KAT6B: variants seen among roughly 807,000 people sequenced by gnomAD.
KAT6B encodes histone acetyltransferase KAT6B.
KAT6B carries 10 observed loss-of-function variants against 187.5 expected under a neutral mutation model. The observed-to-expected ratio is 0.05, with a 90% CI of 0.03 to 0.09. The LOEUF is 0.09. KAT6B is among the 10% of genes least tolerant of loss of function. The pLI, the probability that KAT6B is intolerant of heterozygous loss-of-function variation, is 1.00. For missense variants in KAT6B, 1,952 were observed against 2,558.9 expected (o/e 0.76, Z 5.12); for synonymous variants, 861 against 926.8 (o/e 0.93, Z 1.29).
At chr10:74,941,913 G>A (rs1004636060) in intron 3 of KAT6B, among the ~76,000 whole-genome samples, 4 of 152,024 alleles carry the variant, frequency 2.6e-5, no homozygotes, top group Admixed American at 6.6e-5. Flanking sequence ...AGGCCGAGGC[G>A]GGCAGATCAC....
At chr10:74,877,332 G>A (rs915736159) in intron 3 of KAT6B, among the ~76,000 whole-genome samples, 1 of 152,138 alleles carries the variant, frequency 6.6e-6, no homozygotes, top group African/African-American at 2.4e-5. Flanking sequence ...TTGTTAAAAT[G>A]TATCAAAATA....
At chr10:74,952,597 A>G (rs1446882710) in intron 3 of KAT6B, among the ~76,000 whole-genome samples, 1 of 152,186 alleles carries the variant, frequency 6.6e-6, no homozygotes, top group African/African-American at 2.4e-5. Context: ...GGGACTTGGG[A>G]AAAGCATTGT....
At chr10:74,829,065 A>G (rs893865005) in intron 1 of KAT6B, among the ~76,000 whole-genome samples, 6 of 152,090 alleles carry the variant, frequency 3.9e-5, no homozygotes, top group African/African-American at 9.7e-5. Flanking sequence ...TAACATTAAA[A>G]GAGGAATTTA....
At chr10:74,934,930 T>A (rs1177169372) in intron 3 of KAT6B, among the ~76,000 whole-genome samples, 1 of 152,198 alleles carries the variant, frequency 6.6e-6, no homozygotes, top group African/African-American at 2.4e-5. Flanking sequence ...TTATATCTAC[T>A]GACAGAATCC....
chr10:74,951,973 G>T (rs926995113), intron 3 of KAT6B, among the ~76,000 whole-genome samples: 1 of 152,166 alleles, frequency 6.6e-6, no homozygotes, highest in Non-Finnish European at 1.5e-5. Flanking sequence ...CTGCCATCAT[G>T]ATGGAACTTA....
chr10:74,880,601 G>A (rs936066182), intron 3 of KAT6B, among the ~76,000 whole-genome samples: 1 of 152,032 alleles, frequency 6.6e-6, no homozygotes, highest in African/African-American at 2.4e-5. Flanking sequence ...GGAATTGCTG[G>A]TCTTCAGGTG....
chr10:75,013,244 T>G (rs1253183322), intron 13 of KAT6B, among the ~76,000 whole-genome samples: 1 of 152,184 alleles, frequency 6.6e-6, no homozygotes, highest in African/African-American at 2.4e-5. Flanking sequence ...GCTAGCCATT[T>G]CCTAAGGGTA....
chr10:74,901,208 T>G (rs1846369369), intron 3 of KAT6B, among the ~76,000 whole-genome samples: 1 of 152,232 alleles, frequency 6.6e-6, no homozygotes, highest in African/African-American at 2.4e-5. Flanking sequence ...CAAAGCCAAC[T>G]GAATGAATGA....
intron 11 of KAT6B, chr10:74,984,753 A>G (rs1368478335): frequency 5.9e-6 from 2 of 338,654 alleles, no homozygotes; most frequent in African/African-American, 4.3e-5. Context: ...GTTCAGATAG[A>G]GAGGACATGC....
chr10:74,907,372 T>G (rs2132853218), intron 3 of KAT6B, among the ~76,000 whole-genome samples: 1 of 152,330 alleles, frequency 6.6e-6, no homozygotes, highest in African/African-American at 2.4e-5. Flanking sequence ...CAGTTTCTGA[T>G]TTGGCTGTCC....
chr10:74,833,365 C>T (rs765071392), intron 1 of KAT6B, among the ~76,000 whole-genome samples: 169 of 152,256 alleles, frequency 1.1e-3, no homozygotes, highest in Middle Eastern at 3.4e-3. Flanking sequence ...GCTCCAAAGA[C>T]CTGATGACTT....
intron 3 of KAT6B, among the ~76,000 whole-genome samples, chr10:74,912,263 A>T (rs1429013116): frequency 6.6e-6 from 1 of 151,842 alleles, no homozygotes; most frequent in Non-Finnish European, 1.5e-5. Context: ...CCTAATTTCT[A>T]GGTTGTTTGG....
At chr10:74,997,770 G>A (rs1843536179) in intron 13 of KAT6B, among the ~76,000 whole-genome samples, 1 of 151,992 alleles carries the variant, frequency 6.6e-6, no homozygotes, top group African/African-American at 2.4e-5. Flanking sequence ...CTTTGACAGT[G>A]TGTATCAAAA....
chr10:74,964,637 A>G (rs1203394559), intron 4 of KAT6B, among the ~76,000 whole-genome samples: 1 of 152,194 alleles, frequency 6.6e-6, no homozygotes, highest in East Asian at 1.9e-4. Flanking sequence ...GAGGCACCTC[A>G]AAGTTAATAT....
chr10:74,856,072 C>CA (rs1034117231), intron 3 of KAT6B, among the ~76,000 whole-genome samples: 22 of 152,068 alleles, frequency 1.4e-4, no homozygotes, highest in African/African-American at 5.3e-4. Flanking sequence ...CAAATGGCCC[C>CA]AAAATCTCAT....
chr10:74,959,893 TAA>T lies in KAT6B; in HGVS notation c.622-73_622-72del, dbSNP rs1840974228. On this transcript the variant is annotated intron_variant, in intron 3 of 17. Coordinates refer to ENST00000287239, the MANE Select transcript of KAT6B (RefSeq NM_012330.4). ...AAGAAGAAGCTTTAAGTGAAAAATGTAAAAAGCTTTTGATTTTAATGTTTTTA... is the reference window on the plus strand; with the variant it reads ...AAGAAGAAGCTTTAAGTGAAAAATGTAAAGCTTTTGATTTTAATGTTTTTA... The T allele has an allele frequency of 3.0e-6, 3 of 1,007,482 alleles. No homozygotes were observed. The Admixed American group carries it at 5.3e-5, about 18-fold the overall frequency. The allele number at this position is 1,007,482 out of a possible 1,614,324, so 62.4% of individuals were successfully genotyped here. A position where few individuals can be genotyped will look rare whatever the true frequency, so the allele number is the denominator to read the frequency against.
Position 74,859,013 on chromosome 10 carries a change from AG to A in KAT6B, c.621+15537del, listed in dbSNP as rs1842993681. On this transcript the variant is annotated intron_variant, in intron 3 of 17. Transcript: ENST00000287239. ...TGGCCTCCCAGAGTGCTGGGATTATAGGCATAAGCCAGTGTGCCCTGCCTTT... is the reference window on the plus strand; with the variant it reads ...TGGCCTCCCAGAGTGCTGGGATTATAGCATAAGCCAGTGTGCCCTGCCTTT... 3.9e-5 allele frequency among the ~76,000 whole-genome samples: 6 copies of A among 152,362 alleles called. No homozygotes were observed. The South Asian group carries it at 1.2e-3, about 32-fold the overall frequency.
chr10:74,885,549 T>C (rs529148400), intron 3 of KAT6B, among the ~76,000 whole-genome samples: 1 of 152,260 alleles, frequency 6.6e-6, no homozygotes, highest in South Asian at 2.1e-4. Flanking sequence ...ATATGAACTT[T>C]GGGAAGGCAA....
intron 5 of KAT6B, 51 bp downstream of exon 5, chr10:74,969,826 G>A (rs1444704889): frequency 1.5e-6 from 2 of 1,333,898 alleles, no homozygotes; most frequent in African/African-American, 2.9e-5. Context: ...AATTTCCAGT[G>A]TTAAGGTGTT....
Sources: gnomAD v4.1 joint callset for allele counts (sites outside exome capture counted in the v4.1 genomes callset) on GRCh38, gnomAD v4.1.1 for gene constraint, MANE v1.5 for transcripts, NCBI Gene and HGNC (gene_info 2026-07-23, HGNC 2026-07-21) for gene names.